CAST: variants seen among roughly 807,000 people sequenced by gnomAD.
The protein encoded by CAST is MIR583 host.
In CAST, 76 loss-of-function variants were observed where a neutral mutation model predicts 119.6. That is an observed-to-expected ratio of 0.64 (90% confidence interval 0.53 to 0.77). The LOEUF is 0.77. CAST is among the 30% of genes least tolerant of loss of function. The pLI is 0.00. For missense variants in CAST, 953 were observed against 946.5 expected (o/e 1.01, Z -0.09); for synonymous variants, 319 against 331.6 (o/e 0.96, Z 0.41).
At chr5:96,232,306 C>T in the CAST span, among the ~76,000 whole-genome samples, 1 of 152,060 alleles carries the variant, frequency 6.6e-6, no homozygotes, top group East Asian at 1.9e-4. Context: ...AAAACTGATA[C>T]AAAATTGAAA....
the CAST span, chr5:96,411,054 A>C: frequency 9.1e-7 from 1 of 1,095,998 alleles, no homozygotes; most frequent in Non-Finnish European, 1.4e-6. Flanking sequence ...ATCCCAATAA[A>C]ATCCCCAACG....
chr5:96,622,739 A>G lies in CAST; in HGVS notation c.61-52800A>G, dbSNP rs113534132. Among the ~76,000 whole-genome samples the G allele has an allele frequency of 4.6e-3, 697 of 152,272 alleles. 2 individuals are homozygous for G. Among genetic ancestry groups the G allele is most frequent in the Non-Finnish European group, 6.1e-3 (416 of 68,016 alleles). ...TTTAAAAACTTTATGTAGTCTTTTT[A>G]CATATAAGAGAGTTTAATAATTCAT... On this transcript the variant is annotated intron_variant, in intron 1 of 11. Coordinates refer to the CAST transcript ENST00000505143.
At chr5:96,706,599 G>C (rs950742487) in intron 3 of CAST, among the ~76,000 whole-genome samples, 9 of 152,220 alleles carry the variant, frequency 5.9e-5, no homozygotes, top group African/African-American at 1.9e-4. Context: ...CCTAATGACT[G>C]AGATGTTATT....
At chr5:96,143,400 C>T in the CAST span, among the ~76,000 whole-genome samples, 2 of 152,186 alleles carry the variant, frequency 1.3e-5, no homozygotes, top group African/African-American at 4.8e-5. Flanking sequence ...AAGCCTTCTC[C>T]AGCATCTTCC....
At chr5:96,156,722 C>A in the CAST span, among the ~76,000 whole-genome samples, 2 of 152,184 alleles carry the variant, frequency 1.3e-5, no homozygotes, top group African/African-American at 4.8e-5. Flanking sequence ...AAAAATTAAA[C>A]ATAATCATGG....
the CAST span, among the ~76,000 whole-genome samples, chr5:96,111,640 T>C: frequency 1.3e-5 from 2 of 152,178 alleles, no homozygotes; most frequent in African/African-American, 4.8e-5. Flanking sequence ...AGGAAGTTGC[T>C]AGTGTTTTAG....
chr5:96,668,121 C>A (rs1041266680), intron 1 of CAST, among the ~76,000 whole-genome samples: 1 of 151,388 alleles, frequency 6.6e-6, no homozygotes, highest in Non-Finnish European at 1.5e-5. Flanking sequence ...TATCTGTTAA[C>A]CGTCACAGCT....
intron 1 of CAST, among the ~76,000 whole-genome samples, chr5:96,591,055 C>G (rs1746953790): frequency 6.6e-6 from 1 of 152,148 alleles, no homozygotes; most frequent in Non-Finnish European, 1.5e-5. Context: ...AGGTCCCTTT[C>G]ACAGAAAAAC....
chr5:96,387,617 A>C, the CAST span, among the ~76,000 whole-genome samples: 1 of 152,182 alleles, frequency 6.6e-6, no homozygotes, highest in Non-Finnish European at 1.5e-5. Flanking sequence ...GACTGGCATT[A>C]GGCACCCTAC....
the CAST span, chr5:96,416,021 CCT>C: frequency 1.3e-6 from 2 of 1,545,896 alleles, no homozygotes; most frequent in South Asian, 1.1e-5. Context: ...TAGGGACAAT[CCT>C]CTGTTTTACC....
chr5:96,596,571 G>A (rs1747054545), intron 1 of CAST, among the ~76,000 whole-genome samples: 1 of 152,182 alleles, frequency 6.6e-6, no homozygotes, highest in African/African-American at 2.4e-5. Context: ...AGGAAACATG[G>A]ACTAAGCTAT....
At chr5:96,153,383 C>T in the CAST span, among the ~76,000 whole-genome samples, 1 of 152,184 alleles carries the variant, frequency 6.6e-6, no homozygotes. Context: ...CCAACGCACT[C>T]AGGTTCTGGA....
upstream of CAST, among the ~76,000 whole-genome samples, chr5:96,528,658 C>T (rs1745637546): frequency 6.6e-6 from 1 of 152,168 alleles, no homozygotes; most frequent in African/African-American, 2.4e-5. Context: ...ATTACTACAT[C>T]AGAAATAGGG....
the CAST span, among the ~76,000 whole-genome samples, chr5:96,126,242 C>T: frequency 6.6e-6 from 1 of 151,940 alleles, no homozygotes; most frequent in Admixed American, 6.6e-5. Flanking sequence ...TGTGGTTGCT[C>T]CGTATGGGAC....
the CAST span, chr5:95,961,780 C>A: frequency 4.1e-5 from 62 of 1,505,596 alleles, no homozygotes; most frequent in Non-Finnish European, 5.1e-5. Flanking sequence ...CCACTGCGGC[C>A]GCGGCTGCTT....
chr5:96,122,628 G>A, the CAST span, among the ~76,000 whole-genome samples: 332 of 152,108 alleles, frequency 2.2e-3, 1 homozygote, highest in Non-Finnish European at 3.5e-3. Context: ...TGTTCGAGGG[G>A]GTAGAAAGTT....
the CAST span, among the ~76,000 whole-genome samples, chr5:96,129,854 T>TTAATTAGTAC: frequency 6.6e-6 from 1 of 152,100 alleles, no homozygotes; most frequent in South Asian, 2.1e-4. Flanking sequence ...CTAAAAAGTA[T>TTAATTAGTAC]TAATTATAAT....
At chr5:96,373,247 C>A in the CAST span, among the ~76,000 whole-genome samples, 1 of 152,136 alleles carries the variant, frequency 6.6e-6, no homozygotes, top group Non-Finnish European at 1.5e-5. Flanking sequence ...GCCTCAGGAT[C>A]ATTTCTACTT....
chr5:96,065,414 T>C, the CAST span, among the ~76,000 whole-genome samples: 1 of 151,604 alleles, frequency 6.6e-6, no homozygotes, highest in African/African-American at 2.4e-5. Flanking sequence ...TGTGTGTGTG[T>C]GTGTGTGTGT....
Sources: gnomAD v4.1 joint callset for allele counts (sites outside exome capture counted in the v4.1 genomes callset) on GRCh38, gnomAD v4.1.1 for gene constraint, MANE v1.5 for transcripts, NCBI Gene and HGNC (gene_info 2026-07-23, HGNC 2026-07-21) for gene names.